The following TBK1 variants were observed in gnomAD, a reference collection of about 807,000 sequenced individuals.
The protein encoded by TBK1 is serine/threonine-protein kinase TBK1.
Under a neutral mutation model 99.9 loss-of-function variants are expected in TBK1, and 37 were observed. That is an observed-to-expected ratio of 0.37 (90% CI 0.28 to 0.49). The LOEUF is 0.49. Ranked by LOEUF, TBK1 falls within the 20% of genes least tolerant of loss-of-function variation. TBK1 has a pLI of 0.98. For missense variants in TBK1, 644 were observed against 872.5 expected (o/e 0.74, Z 3.30); for synonymous variants, 258 against 279.8 (o/e 0.92, Z 0.78).
chr12:64,501,669 C>T lies in TBK1; in HGVS notation c.*288C>T. 3.6e-6 allele frequency: 1 copy of T among 274,022 alleles called. No homozygotes were observed. Among genetic ancestry groups the T allele is most frequent in the Non-Finnish European group, 6.8e-6 (1 of 147,130 alleles). 17.0% of individuals were successfully genotyped at this position (274,022 alleles called of 1,614,324 possible). The stretch of plus-strand genomic sequence containing the variant: ...TATGTTGACATACTGATCCTCTACT[C>T]TGAGTGGGGCTAAATAAGTTATTTT... On this transcript the variant is annotated 3_prime_UTR_variant, in exon 21 of 21. Coordinates refer to ENST00000331710, the MANE Select transcript of TBK1 (RefSeq NM_013254.4).
At chr12:64,491,611 C>T (rs868216725) in intron 13 of TBK1, among the ~76,000 whole-genome samples, 3 of 151,872 alleles carry the variant, frequency 2.0e-5, no homozygotes, top group African/African-American at 2.4e-5. Context: ...GTGACAGAGC[C>T]GAGACTGTCT....
intron 2 of TBK1, 98 bp downstream of exon 2, chr12:64,456,055 C>A: frequency 2.3e-6 from 2 of 859,244 alleles, no homozygotes; most frequent in Non-Finnish European, 3.6e-6. Context: ...TGATTTTGAT[C>A]CCTTTGTCTG....
At chr12:64,500,543 A>C (rs967670492) in intron 20 of TBK1, among the ~76,000 whole-genome samples, 3 of 152,048 alleles carry the variant, frequency 2.0e-5, no homozygotes, top group African/African-American at 7.2e-5. Context: ...TACTGATGTA[A>C]TCGTATGACT....
At chr12:64,456,089 G>T (rs1046427926) in intron 2 of TBK1, 132 bp downstream of exon 2, 3 of 698,714 alleles carry the variant, frequency 4.3e-6, no homozygotes, top group Non-Finnish European at 7.1e-6. Flanking sequence ...AATGATTTTC[G>T]TGGTCATTTA....
intron 4 of TBK1, among the ~76,000 whole-genome samples, chr12:64,465,922 C>A (rs1432510227): frequency 6.6e-6 from 1 of 152,058 alleles, no homozygotes; most frequent in African/African-American, 2.4e-5. Context: ...TGAATTATAT[C>A]TCAGTGAACC....
At chr12:64,488,399 T>C in intron 11 of TBK1, 88 bp from the exon 12 acceptor site, 1 of 647,746 alleles carries the variant, frequency 1.5e-6, no homozygotes. Flanking sequence ...ATAAAATGTT[T>C]TTGAACTGTA....
chr12:64,483,255 T>C (rs1410722013), intron 8 of TBK1, among the ~76,000 whole-genome samples: 1 of 152,254 alleles, frequency 6.6e-6, no homozygotes. Flanking sequence ...AAACATCTCA[T>C]GTACCTCATA....
intron 6 of TBK1, among the ~76,000 whole-genome samples, chr12:64,477,536 G>T (rs1391473261): frequency 1.3e-5 from 2 of 152,182 alleles, no homozygotes; most frequent in East Asian, 3.9e-4. Context: ...TATTTATCAG[G>T]TCTAGGAGTC....
chr12:64,457,880 A>G (rs1275938733), intron 2 of TBK1, among the ~76,000 whole-genome samples: 1 of 152,228 alleles, frequency 6.6e-6, no homozygotes. Flanking sequence ...TCTCCAAAGG[A>G]AACAAATATG....
At chr12:64,484,112 G>C (rs2040795010) in intron 8 of TBK1, 191 bp from the exon 9 acceptor site, 2 of 449,188 alleles carry the variant, frequency 4.5e-6, no homozygotes, top group African/African-American at 4.0e-5. Flanking sequence ...AAATACTTTA[G>C]AATTGCTTAC....
chr12:64,484,957 G>C (rs1454479861), intron 9 of TBK1, among the ~76,000 whole-genome samples: 1 of 152,130 alleles, frequency 6.6e-6, no homozygotes, highest in African/African-American at 2.4e-5. Flanking sequence ...AAAATCGTTT[G>C]TCATACGTTT....
chr12:64,471,832 A>G (rs1369625899), intron 5 of TBK1, among the ~76,000 whole-genome samples: 1 of 147,206 alleles, frequency 6.8e-6, no homozygotes, highest in Non-Finnish European at 1.5e-5. Context: ...GCATGTGTCA[A>G]GCCACCCCAA....
At chr12:64,497,780 G>A in intron 19 of TBK1, 26 bp downstream of exon 19, 1 of 1,517,908 alleles carries the variant, frequency 6.6e-7, no homozygotes, top group Non-Finnish European at 9.0e-7. Context: ...TTTGGAAACT[G>A]TAGTGTTTCC....
rs751180634 is a variant in TBK1 at position 64,481,994 on chromosome 12, A to T, written c.965A>T (p.His322Leu). Reference protein sequence around the residue: ...HVFSLQQMTAHKIYIHSYNTA... With the variant: ...HVFSLQQMTALKIYIHSYNTA... ...TTTTCGCTACAACAAATGACAGCTC[A>T]TAAGATTTATATTCATAGCTATAAT... Residue 322 changes from histidine to leucine, a missense_variant, in exon 8 of 21, where the codon CAT becomes CTT. Coordinates refer to ENST00000331710, the MANE Select transcript of TBK1 (RefSeq NM_013254.4). The T allele has an allele frequency of 8.8e-6, 14 of 1,599,608 alleles. No homozygotes were observed. Among genetic ancestry groups the T allele is most frequent in the Admixed American group, 1.7e-5 (1 of 57,976 alleles).
intron 5 of TBK1, among the ~76,000 whole-genome samples, chr12:64,471,896 T>A (rs2040665964): frequency 6.6e-6 from 1 of 152,130 alleles, no homozygotes; most frequent in South Asian, 2.1e-4. Flanking sequence ...CAGTATATTA[T>A]TGCACCGTGT....
At chr12:64,482,490 G>A (rs1158734540) in intron 8 of TBK1, among the ~76,000 whole-genome samples, 2 of 151,912 alleles carry the variant, frequency 1.3e-5, no homozygotes, top group Non-Finnish European at 2.9e-5. Context: ...AAAATAATCA[G>A]TGTTTGTTTT....
chr12:64,496,966 A>G lies in TBK1; in HGVS notation c.1778A>G (p.His593Arg). 1 of 1,612,708 alleles carries G rather than the reference A, an allele frequency of 6.2e-7. No homozygotes were observed. The highest frequency in any genetic ancestry group is 8.5e-7 in the Non-Finnish European group (1 of 1,179,232). ...HKFDKQKLYYHATKAMTHFTD... is the reference protein window; with the variant it reads ...HKFDKQKLYYRATKAMTHFTD... ...AATTACAGGCAAAAACTGTATTACC[A>G]TGCCACAAAAGCTATGACGCACTTT... The change falls in exon 17 of 21, where the codon CAT becomes CGT. Residue 593 changes from histidine (H) to arginine (R), a missense_variant. Physicochemically the swap from His to Arg is conservative, Grantham distance 29. This residue lies in a region of TBK1 where 465 missense variants were observed against 588.0 expected (regional missense o/e 0.79). Transcript: ENST00000331710.
Position 64,485,459 on chromosome 12 carries a change from C to T in TBK1, c.1194C>T (p.Ser398=). ...NTIGLIYEKI[S]LPKVHPRYDL... ...TTATTTTACTTCATATTTCAGTTTC[C>T]CTCCCTAAAGTACATCCACGTTATG... Residue 398 remains serine, a synonymous_variant, in exon 10 of 21, where the codon TCC becomes TCT. Coordinates refer to ENST00000331710, the MANE Select transcript of TBK1 (RefSeq NM_013254.4). 1 of 1,530,114 alleles carries T rather than the reference C, an allele frequency of 6.5e-7. No individual in the cohort carries two copies. Among genetic ancestry groups the T allele is most frequent in the Non-Finnish European group, 8.9e-7 (1 of 1,123,986 alleles). 94.8% of individuals were successfully genotyped at this position (1,530,114 alleles called of 1,614,324 possible). A position where few individuals can be genotyped will look rare whatever the true frequency, so the allele number is the denominator to read the frequency against.
At chr12:64,465,062 A>C (rs1056520388) in intron 4 of TBK1, among the ~76,000 whole-genome samples, 6 of 151,858 alleles carry the variant, frequency 4.0e-5, no homozygotes, top group African/African-American at 1.5e-4. Context: ...TGAGCAACAC[A>C]GTGAGCCCCT....
Sources: gnomAD v4.1 joint callset for allele counts (sites outside exome capture counted in the v4.1 genomes callset) on GRCh38, gnomAD v4.1.1 for gene constraint, gnomAD v4.1.1 regional missense constraint, MANE v1.5 for transcripts, NCBI Gene and HGNC (gene_info 2026-07-23, HGNC 2026-07-21) for gene names.